Variants in LMBRD1 observed in about 807,000 individuals in gnomAD.
The protein encoded by LMBRD1 is lysosomal cobalamin transport escort protein LMBD1.
In LMBRD1, 64 loss-of-function variants were observed where a neutral mutation model predicts 74.8. That is an observed-to-expected ratio of 0.86 (90% confidence interval 0.70 to 1.05). LMBRD1 has a LOEUF of 1.05. Ranked by LOEUF, LMBRD1 falls within the 50% of genes least tolerant of loss-of-function variation. The pLI is 0.00. For missense variants in LMBRD1, 652 were observed against 645.9 expected (o/e 1.01, Z -0.10); for synonymous variants, 204 against 216.3 (o/e 0.94, Z 0.50).
At chr6:69,796,483 C>T (rs1766234057) in intron 1 of LMBRD1, among the ~76,000 whole-genome samples, 1 of 152,222 alleles carries the variant, frequency 6.6e-6, no homozygotes, top group Non-Finnish European at 1.5e-5. Flanking sequence ...CGAAAGGCCA[C>T]CACATACTTC....
At chr6:69,756,250 C>T (rs1193609504) in intron 3 of LMBRD1, among the ~76,000 whole-genome samples, 1 of 151,804 alleles carries the variant, frequency 6.6e-6, no homozygotes, top group Non-Finnish European at 1.5e-5. Flanking sequence ...GTAATCCCAG[C>T]TACTCAGGAG....
At chr6:69,764,285 TA>T (rs1765433802) in intron 3 of LMBRD1, among the ~76,000 whole-genome samples, 1 of 152,096 alleles carries the variant, frequency 6.6e-6, no homozygotes, top group South Asian at 2.1e-4. Context: ...TTAGTGTCCT[TA>T]TAAGAAGAGA....
At chr6:69,704,921 C>T (rs200715151) in intron 9 of LMBRD1, among the ~76,000 whole-genome samples, 11 of 85,324 alleles carry the variant, frequency 1.3e-4, no homozygotes, top group African/African-American at 6.7e-4. Context: ...TTTTTTTTTC[C>T]ACTTTTACTG....
chr6:69,681,468 G>A (rs895506665), intron 14 of LMBRD1, among the ~76,000 whole-genome samples: 1 of 151,854 alleles, frequency 6.6e-6, no homozygotes, highest in East Asian at 1.9e-4. Flanking sequence ...CTTTGGTTAA[G>A]TAGAATAAAT....
At chr6:69,761,591 T>C (rs1473782853) in intron 3 of LMBRD1, among the ~76,000 whole-genome samples, 1 of 152,218 alleles carries the variant, frequency 6.6e-6, no homozygotes, top group East Asian at 1.9e-4. Context: ...AGAACTGTAT[T>C]ATAATCTTCA....
chr6:69,760,824 T>C (rs1344210816), intron 3 of LMBRD1, among the ~76,000 whole-genome samples: 1 of 152,238 alleles, frequency 6.6e-6, no homozygotes, highest in South Asian at 2.1e-4. Context: ...AGCTGCCCTA[T>C]AGAAAAGTCC....
intron 9 of LMBRD1, among the ~76,000 whole-genome samples, chr6:69,711,329 C>T (rs1360555583): frequency 3.3e-5 from 5 of 152,060 alleles, no homozygotes; most frequent in Non-Finnish European, 7.4e-5. Context: ...CTCAGGGGAG[C>T]AAGAGAGGGC....
intron 6 of LMBRD1, among the ~76,000 whole-genome samples, chr6:69,739,176 C>A (rs1340017238): frequency 6.6e-6 from 1 of 151,858 alleles, no homozygotes; most frequent in East Asian, 1.9e-4. Flanking sequence ...TCCAAAACAG[C>A]GATGTAAAAA....
chr6:69,721,508 G>T (rs925285063), intron 7 of LMBRD1, among the ~76,000 whole-genome samples: 6 of 152,088 alleles, frequency 3.9e-5, no homozygotes, highest in African/African-American at 1.2e-4. Flanking sequence ...TGCCTTGAAG[G>T]GTAGTCAGGA....
In LMBRD1 at chr6:69,676,059, G is replaced by A. The variant is rs1440475169; in HGVS notation, c.*99C>T. On this transcript the variant is annotated 3_prime_UTR_variant, in exon 16 of 16. Coordinates refer to ENST00000649934, the MANE Select transcript of LMBRD1 (RefSeq NM_018368.4). ...GTCTTATAGCCATGCTCCCATTTTT[G>A]ATGAAAGCTAGTTAGCAAATCCTAA... 1 of 901,228 alleles carries A rather than the reference G, an allele frequency of 1.1e-6. No individual in the cohort carries two copies. The highest frequency in any genetic ancestry group is 1.8e-6 in the Non-Finnish European group (1 of 553,796). The allele number at this position is 901,228 out of a possible 1,614,324, so 55.8% of individuals were successfully genotyped here. A position where few individuals can be genotyped will look rare whatever the true frequency, so the allele number is the denominator to read the frequency against.
chr6:69,713,921 T>TA (rs973444167), intron 8 of LMBRD1, 124 bp from the exon 9 acceptor site: 77 of 981,562 alleles, frequency 7.8e-5, no homozygotes, highest in Non-Finnish European at 9.2e-5. Flanking sequence ...ATTTACAAAC[T>TA]AAAAAAAACC....
intron 3 of LMBRD1, among the ~76,000 whole-genome samples, chr6:69,777,268 A>T (rs1224595146): frequency 6.6e-6 from 1 of 152,104 alleles, no homozygotes; most frequent in East Asian, 1.9e-4. Context: ...CCTGGCCAAC[A>T]TGGTGAAACT....
At chr6:69,774,974 G>A (rs1390349900) in intron 3 of LMBRD1, among the ~76,000 whole-genome samples, 2 of 49,090 alleles carry the variant, frequency 4.1e-5, no homozygotes, top group East Asian at 9.5e-4. Flanking sequence ...AGGAAGGAAG[G>A]AAGGAAGGAA....
intron 9 of LMBRD1, among the ~76,000 whole-genome samples, chr6:69,702,711 G>C (rs2502597): frequency 0.48 from 72,620 of 151,828 alleles, 17,977 homozygotes; most frequent in African/African-American, 0.6. Context: ...TCCCCAAGTT[G>C]CGGGGACAAC....
intron 7 of LMBRD1, among the ~76,000 whole-genome samples, chr6:69,737,154 T>G (rs924395819): frequency 2.6e-5 from 4 of 152,118 alleles, no homozygotes; most frequent in African/African-American, 9.7e-5. Context: ...CAAAAATGTT[T>G]CCTTTGTAAC....
At chr6:69,796,719 G>T (rs904077001) in intron 1 of LMBRD1, 94 bp downstream of exon 1, 3 of 1,163,596 alleles carry the variant, frequency 2.6e-6, no homozygotes, top group Non-Finnish European at 3.8e-6. Flanking sequence ...GGGGCGAAGA[G>T]GGTCTCCGGG....
At chr6:69,686,745 G>A (rs745835807) in intron 14 of LMBRD1, among the ~76,000 whole-genome samples, 2 of 151,982 alleles carry the variant, frequency 1.3e-5, no homozygotes, top group Admixed American at 6.6e-5. Flanking sequence ...ATTGCAAAAC[G>A]CTTCTGTCAA....
chr6:69,730,095 A>C (rs1214639843), intron 7 of LMBRD1, among the ~76,000 whole-genome samples: 1 of 152,104 alleles, frequency 6.6e-6, no homozygotes, highest in Non-Finnish European at 1.5e-5. Context: ...TGCTTCTATT[A>C]ATAGGTTGGC....
intron 1 of LMBRD1, among the ~76,000 whole-genome samples, chr6:69,796,253 G>A (rs1187096728): frequency 6.6e-6 from 1 of 152,128 alleles, no homozygotes; most frequent in Non-Finnish European, 1.5e-5. Context: ...AAAAAGATTA[G>A]AAGAGAATGT....
Sources: gnomAD v4.1 joint callset for allele counts (sites outside exome capture counted in the v4.1 genomes callset) on GRCh38, gnomAD v4.1.1 for gene constraint, MANE v1.5 for transcripts, NCBI Gene and HGNC (gene_info 2026-07-23, HGNC 2026-07-21) for gene names.